Variants in MCF2L2 observed in about 807,000 individuals in gnomAD.
MCF2L2 encodes the protein MCF.2 cell line derived transforming sequence-like 2.
MCF2L2 carries 102 observed loss-of-function variants against 150.2 expected under a neutral mutation model. The observed-to-expected ratio is 0.68, with a 90% CI of 0.58 to 0.80. MCF2L2 has a LOEUF of 0.80. Ranked by LOEUF, MCF2L2 falls within the 30% of genes least tolerant of loss-of-function variation. MCF2L2 has a pLI of 0.00. For missense variants in MCF2L2, 1,256 were observed against 1,372.8 expected, an observed-to-expected ratio of 0.91 and a Z score of 1.34; for synonymous variants, 465 against 491.3, an observed-to-expected ratio of 0.95 and a Z score of 0.71.
At chr3:183,412,433 T>A (rs149456024) in intron 1 of MCF2L2, among the ~76,000 whole-genome samples, 6,818 of 152,188 alleles carry the variant, frequency 0.045, 253 homozygotes, top group African/African-American at 0.097. Flanking sequence ...TAGCTGGGAT[T>A]ACAGGCACCT....
chr3:183,297,062 A>C lies in MCF2L2; in HGVS notation c.1411T>G (p.Phe471Val). The C allele has an allele frequency of 6.2e-7, 1 of 1,614,196 alleles. No homozygotes were observed. Among genetic ancestry groups the C allele is most frequent in the Non-Finnish European group, 8.5e-7 (1 of 1,180,040 alleles). ...VDIALNDIAT[F>V]LGTVKEYPLL... ...GGGTACTCCTTGACTGTGCCCAGGA[A>C]TGTCGCAATGTCGTTCAAGGCGATA... Residue 471 changes from phenylalanine to valine, a missense_variant, in exon 12 of 30, where the codon TTC becomes GTC. Transcript: ENST00000328913.
At chr3:183,193,333 G>A (rs1334656341) in intron 26 of MCF2L2, among the ~76,000 whole-genome samples, 1 of 150,500 alleles carries the variant, frequency 6.6e-6, no homozygotes, top group Non-Finnish European at 1.5e-5. Context: ...CTAATTGGCT[G>A]CAAATCTTTT....
intron 5 of MCF2L2, among the ~76,000 whole-genome samples, chr3:183,328,238 T>C (rs1730129125): frequency 6.6e-6 from 1 of 152,216 alleles, no homozygotes; most frequent in Non-Finnish European, 1.5e-5. Context: ...CTGAGTTATA[T>C]CCTTTATGAT....
chr3:183,215,216 T>C (rs1397258859), intron 22 of MCF2L2, among the ~76,000 whole-genome samples: 1 of 152,126 alleles, frequency 6.6e-6, no homozygotes, highest in Non-Finnish European at 1.5e-5. Flanking sequence ...AAAATAATAA[T>C]AATAATGAAT....
chr3:183,214,531 T>C (rs927430054), intron 22 of MCF2L2, among the ~76,000 whole-genome samples: 1 of 152,066 alleles, frequency 6.6e-6, no homozygotes, highest in African/African-American at 2.4e-5. Context: ...TTTCATGGTT[T>C]GATTTATGAC....
chr3:183,251,474 G>T (rs1402089842), intron 15 of MCF2L2, among the ~76,000 whole-genome samples: 1 of 151,980 alleles, frequency 6.6e-6, no homozygotes, highest in Non-Finnish European at 1.5e-5. Flanking sequence ...TGCTCTTTCT[G>T]TGCCTTATCT....
At chr3:183,397,059 T>C (rs921595079) in intron 1 of MCF2L2, among the ~76,000 whole-genome samples, 1 of 152,200 alleles carries the variant, frequency 6.6e-6, no homozygotes, top group Admixed American at 6.5e-5. Context: ...TATGGTCATT[T>C]GTTACAGCAG....
intron 22 of MCF2L2, among the ~76,000 whole-genome samples, chr3:183,211,134 G>C (rs904221323): frequency 1.3e-5 from 2 of 152,330 alleles, no homozygotes; most frequent in Non-Finnish European, 1.5e-5. Flanking sequence ...AAAACAGTCA[G>C]TAGGTGGTAA....
At chr3:183,258,390 T>G (rs976569913) in intron 15 of MCF2L2, 1 of 152,744 alleles carries the variant, frequency 6.5e-6, no homozygotes, top group Non-Finnish European at 1.5e-5. Flanking sequence ...CAGGATCAGG[T>G]GCATTCAGCG....
chr3:183,229,785 CA>C lies in MCF2L2; in HGVS notation c.1930-5del, dbSNP rs751297755. The C allele has an allele frequency of 1.7e-5, 23 of 1,337,746 alleles. No homozygotes were observed. Among genetic ancestry groups the C allele is most frequent in the Non-Finnish European group, 2.3e-5 (22 of 938,278 alleles). 82.9% of individuals were successfully genotyped at this position (1,337,746 alleles called of 1,614,324 possible). On this transcript the variant is annotated splice_region_variant and splice_polypyrimidine_tract_variant and intron_variant, in intron 16 of 29. Coordinates refer to ENST00000328913, the MANE Select transcript of MCF2L2 (RefSeq NM_015078.4). ...AATCCATTGGAGTGATATATCCCTGCAGAGGTGCAAACAAGGTAGGTGTTAC... is the reference window on the plus strand; with the variant it reads ...AATCCATTGGAGTGATATATCCCTGCGAGGTGCAAACAAGGTAGGTGTTAC...
intron 3 of MCF2L2, among the ~76,000 whole-genome samples, chr3:183,365,891 TA>T (rs1224516600): frequency 6.6e-6 from 1 of 151,662 alleles, no homozygotes; most frequent in East Asian, 1.9e-4. Flanking sequence ...AAGAATTCTT[TA>T]AAAAAATGAG....
chr3:183,277,757 C>T (rs1727243312), intron 14 of MCF2L2, among the ~76,000 whole-genome samples: 1 of 148,486 alleles, frequency 6.7e-6, no homozygotes, highest in African/African-American at 2.5e-5. Flanking sequence ...CTGACCTCAG[C>T]CTCCTAAAGT....
intron 2 of MCF2L2, among the ~76,000 whole-genome samples, chr3:183,384,584 T>C (rs1008448481): frequency 6.6e-5 from 10 of 151,942 alleles, no homozygotes; most frequent in Non-Finnish European, 1.2e-4. Flanking sequence ...TCCGACTCCC[T>C]GTGATTTCAT....
At chr3:183,423,731 C>T (rs567225760) in intron 1 of MCF2L2, among the ~76,000 whole-genome samples, 72 of 150,856 alleles carry the variant, frequency 4.8e-4, no homozygotes, top group African/African-American at 1.5e-3. Flanking sequence ...CTCCGCCTCC[C>T]GGGTTCAAGC....
chr3:183,332,991 T>C (rs1274038167), intron 5 of MCF2L2, among the ~76,000 whole-genome samples: 4 of 152,112 alleles, frequency 2.6e-5, no homozygotes, highest in Non-Finnish European at 5.9e-5. Context: ...AAAAATCCCT[T>C]GTCTAAGATG....
At chr3:183,400,728 G>T (rs940238517) in intron 1 of MCF2L2, among the ~76,000 whole-genome samples, 1 of 151,894 alleles carries the variant, frequency 6.6e-6, no homozygotes, top group African/African-American at 2.4e-5. Flanking sequence ...GACAGCGAGG[G>T]ACATCCTAGC....
At chr3:183,330,085 A>T (rs1042081724) in intron 5 of MCF2L2, among the ~76,000 whole-genome samples, 1 of 108,946 alleles carries the variant, frequency 9.2e-6, no homozygotes, top group Non-Finnish European at 1.7e-5. Context: ...AAAATAAATT[A>T]AAAAAAAAAA....
intron 6 of MCF2L2, among the ~76,000 whole-genome samples, chr3:183,320,391 C>A (rs922050217): frequency 1.3e-5 from 2 of 152,180 alleles, no homozygotes; most frequent in Non-Finnish European, 2.9e-5. Flanking sequence ...CTGCGCCGAG[C>A]CGAGTATAGC....
chr3:183,184,429 G>A (rs1164888161), intron 27 of MCF2L2, among the ~76,000 whole-genome samples: 2 of 152,172 alleles, frequency 1.3e-5, no homozygotes, highest in Non-Finnish European at 2.9e-5. Flanking sequence ...GAGTCTCTGG[G>A]GCACTCTCAG....
Sources: gnomAD v4.1 joint callset for allele counts (sites outside exome capture counted in the v4.1 genomes callset) on GRCh38, gnomAD v4.1.1 for gene constraint, MANE v1.5 for transcripts, NCBI Gene and HGNC (gene_info 2026-07-23, HGNC 2026-07-21) for gene names.